FAM135B: variants seen among roughly 807,000 people sequenced by gnomAD.
FAM135B encodes protein FAM135B.
Under a neutral mutation model 127.7 loss-of-function variants are expected in FAM135B, and 43 were observed. The observed-to-expected ratio is 0.34, with a 90% CI of 0.26 to 0.43. The LOEUF (loss-of-function observed/expected upper bound fraction) is 0.43. Ranked by LOEUF, FAM135B falls within the 20% of genes least tolerant of loss-of-function variation. The pLI, the probability that FAM135B is intolerant of heterozygous loss-of-function variation, is 1.00. For missense variants in FAM135B, 1,558 were observed against 1,725.6 expected (o/e 0.90, Z 1.72); for synonymous variants, 670 against 665.1 (o/e 1.01, Z -0.11).
At chr8:138,427,605 G>T in intron 1 of FAM135B, among the ~76,000 whole-genome samples, 1 of 152,048 alleles carries the variant, frequency 6.6e-6, no homozygotes, top group East Asian at 1.9e-4. Flanking sequence ...CAGTGAGTGA[G>T]TAAACGTGTC....
At chr8:138,451,406 A>G (rs2131587427) in intron 1 of FAM135B, among the ~76,000 whole-genome samples, 1 of 152,354 alleles carries the variant, frequency 6.6e-6, no homozygotes, top group Non-Finnish European at 1.5e-5. Context: ...TTGGACAGCA[A>G]GAAGATACTT....
chr8:138,413,560 G>A (rs1200847422), intron 1 of FAM135B, among the ~76,000 whole-genome samples: 1 of 152,106 alleles, frequency 6.6e-6, no homozygotes, highest in African/African-American at 2.4e-5. Flanking sequence ...AACAACCATA[G>A]TATATTCATC....
chr8:138,218,986 G>T (rs1818808387), intron 7 of FAM135B, among the ~76,000 whole-genome samples: 2 of 152,150 alleles, frequency 1.3e-5, no homozygotes, highest in South Asian at 4.1e-4. Flanking sequence ...GAAATGAGTT[G>T]AATGCATTTG....
chr8:138,392,880 C>T (rs1163647176), intron 1 of FAM135B, among the ~76,000 whole-genome samples: 1 of 152,164 alleles, frequency 6.6e-6, no homozygotes, highest in African/African-American at 2.4e-5. Flanking sequence ...AGACTGTGTT[C>T]TGAGAATACT....
intron 7 of FAM135B, among the ~76,000 whole-genome samples, chr8:138,225,641 C>G (rs1435690938): frequency 1.3e-5 from 2 of 152,058 alleles, no homozygotes; most frequent in African/African-American, 4.8e-5. Flanking sequence ...TTAAGGTCCA[C>G]ATAGTTTAAT....
chr8:138,217,581 C>T (rs1021453071), intron 7 of FAM135B, among the ~76,000 whole-genome samples: 6 of 151,962 alleles, frequency 3.9e-5, no homozygotes, highest in Admixed American at 2.6e-4. Context: ...CAGGCGCCCA[C>T]CGCCACACCC....
intron 5 of FAM135B, among the ~76,000 whole-genome samples, 159 bp downstream of exon 5, chr8:138,256,530 T>C (rs1389217172): frequency 6.6e-5 from 10 of 152,206 alleles, no homozygotes; most frequent in Admixed American, 6.5e-4. Context: ...ACACAAACTT[T>C]CTTAGCCCGC....
chr8:138,494,297 C>G (rs1815304718), intron 1 of FAM135B, among the ~76,000 whole-genome samples: 1 of 152,236 alleles, frequency 6.6e-6, no homozygotes, highest in Non-Finnish European at 1.5e-5. Flanking sequence ...CTCATTCACT[C>G]ATTCAACAAC....
chr8:138,283,448 G>T (rs1824429142), intron 3 of FAM135B, among the ~76,000 whole-genome samples: 1 of 151,938 alleles, frequency 6.6e-6, no homozygotes, highest in African/African-American at 2.4e-5. Flanking sequence ...GGTTTTTCAG[G>T]GTTAAGGGAG....
intron 4 of FAM135B, among the ~76,000 whole-genome samples, chr8:138,258,803 C>CCACA (rs57817492): frequency 0.24 from 34,671 of 146,318 alleles, 4,182 homozygotes; most frequent in Admixed American, 0.32. Flanking sequence ...GACACACACA[C>CCACA]CACACACACA....
intron 1 of FAM135B, among the ~76,000 whole-genome samples, chr8:138,416,176 C>T (rs1398875540): frequency 2.6e-5 from 4 of 152,292 alleles, no homozygotes; most frequent in Non-Finnish European, 5.9e-5. Context: ...TCTTAATTCT[C>T]TGTACTTTTG....
At chr8:138,206,880 T>C (rs1208654615) in intron 7 of FAM135B, among the ~76,000 whole-genome samples, 113 of 146,054 alleles carry the variant, frequency 7.7e-4, no homozygotes, top group South Asian at 1.5e-3. Flanking sequence ...TACCCACAGC[T>C]CTATCATCCC....
At position 138,151,313 on chromosome 8, in the gene FAM135B, C is replaced by A. The variant is rs2130724366; in HGVS notation, c.3162G>T (p.Arg1054Ser). The part of the protein sequence containing the change: ...FSSVPKETPA[R>S]AGFSSKQTLF... ...GGGTCTGTTTGGAAGAGAATCCAGC[C>A]CTGGCAGGGGTCTCCTTGGGCACAG... Residue 1054 changes from arginine (R) to serine (S), a missense_variant, in exon 13 of 20, where the codon AGG becomes AGT. By Grantham distance (110) the Arg-to-Ser change is moderately radical. Transcript: ENST00000395297. 1.9e-6 allele frequency: 3 copies of A among 1,613,914 alleles called. No individual in the cohort carries two copies. The highest frequency in any genetic ancestry group is 2.5e-6 in the Non-Finnish European group (3 of 1,179,970).
intron 1 of FAM135B, among the ~76,000 whole-genome samples, chr8:138,390,380 C>G (rs1443216609): frequency 6.6e-6 from 1 of 151,704 alleles, no homozygotes; most frequent in South Asian, 2.1e-4. Flanking sequence ...TTGCTTGGTT[C>G]TCATTCTCTC....
chr8:138,403,996 G>A (rs1453864754), intron 1 of FAM135B, among the ~76,000 whole-genome samples: 1 of 152,134 alleles, frequency 6.6e-6, no homozygotes, highest in African/African-American at 2.4e-5. Flanking sequence ...TTAAGGTTGA[G>A]AAATCCTAGG....
At chr8:138,428,260 T>C (rs746224643) in intron 1 of FAM135B, among the ~76,000 whole-genome samples, 1 of 152,172 alleles carries the variant, frequency 6.6e-6, no homozygotes, top group Non-Finnish European at 1.5e-5. Flanking sequence ...AAGTAATACA[T>C]AGATCTATCC....
chr8:138,277,331 C>A (rs1586947547), intron 3 of FAM135B, among the ~76,000 whole-genome samples: 1 of 152,280 alleles, frequency 6.6e-6, no homozygotes, highest in East Asian at 1.9e-4. Context: ...GGAGAGGTTC[C>A]CTCTCTCCAG....
At chr8:138,276,417 A>G (rs1823827192) in intron 3 of FAM135B, among the ~76,000 whole-genome samples, 2 of 152,150 alleles carry the variant, frequency 1.3e-5, no homozygotes, top group Admixed American at 1.3e-4. Context: ...CACAGAATAT[A>G]GGGCGGAGTT....
chr8:138,159,249 G>A (rs200109327), intron 12 of FAM135B, among the ~76,000 whole-genome samples: 2 of 113,304 alleles, frequency 1.8e-5, no homozygotes, highest in East Asian at 2.9e-4. Flanking sequence ...TCTGCAGTCC[G>A]GCCTGGGCGA....
Sources: gnomAD v4.1 joint callset for allele counts (sites outside exome capture counted in the v4.1 genomes callset) on GRCh38, gnomAD v4.1.1 for gene constraint, MANE v1.5 for transcripts, NCBI Gene and HGNC (gene_info 2026-07-23, HGNC 2026-07-21) for gene names.